Variants in CDYL2 observed in about 807,000 individuals in gnomAD.
CDYL2 encodes the protein chromodomain Y like 2, also known as chromodomain Y-like protein 2.
In CDYL2, 23 loss-of-function variants were observed where a neutral mutation model predicts 49.4. The ratio of observed to expected loss-of-function variants is 0.47; its 90% CI spans 0.34 to 0.66. The LOEUF is 0.66. CDYL2 is among the 30% of genes least tolerant of loss of function. CDYL2 has a pLI of 0.01. For synonymous variants in CDYL2, 360 were observed against 268.8 expected (o/e 1.34, Z -3.32); for missense variants, 678 against 656.4 (o/e 1.03, Z -0.36).
At chr16:80,774,052 G>A (rs1266253764) in intron 1 of CDYL2, among the ~76,000 whole-genome samples, 1 of 151,982 alleles carries the variant, frequency 6.6e-6, no homozygotes, top group Non-Finnish European at 1.5e-5. Flanking sequence ...TAATGAAACA[G>A]GTATTTACTT....
intron 2 of CDYL2, among the ~76,000 whole-genome samples, chr16:80,677,513 C>G (rs577111762): frequency 6.6e-6 from 1 of 151,692 alleles, no homozygotes; most frequent in Non-Finnish European, 1.5e-5. Flanking sequence ...CTGAGGCGGG[C>G]GGACCACGAG....
rs10673992 is a variant in CDYL2 at position 80,709,561 on chromosome 16, GACACAC to G, written c.25-24438_25-24433del. On this transcript the variant is annotated intron_variant, in intron 1 of 6. Transcript: ENST00000570137. ...AAACTGAGCCATGCAGGAATAAACA[GACACAC>G]ACACACACACACACACACACACACA... 8.1e-3 allele frequency among the ~76,000 whole-genome samples: 1,165 copies of G among 143,752 alleles called. 15 individuals are homozygous for G. Among genetic ancestry groups the G allele is most frequent in the African/African-American group, 0.027 (1,069 of 39,046 alleles). The allele number at this position is 143,752 out of a possible 152,430, so 94.3% of individuals were successfully genotyped here. A position where few individuals can be genotyped will look rare whatever the true frequency, so the allele number is the denominator to read the frequency against.
chr16:80,717,490 C>A (rs912420124), intron 1 of CDYL2, among the ~76,000 whole-genome samples: 1 of 152,258 alleles, frequency 6.6e-6, no homozygotes. Flanking sequence ...GTAACCTGAG[C>A]TGGGGCAAAT....
intron 2 of CDYL2, among the ~76,000 whole-genome samples, chr16:80,644,973 T>C (rs957089944): frequency 6.6e-6 from 1 of 152,072 alleles, no homozygotes; most frequent in African/African-American, 2.4e-5. Context: ...CCTTACACCT[T>C]ATACAAAAAT....
chr16:80,789,353 A>G (rs1907537326), intron 1 of CDYL2, among the ~76,000 whole-genome samples: 1 of 152,230 alleles, frequency 6.6e-6, no homozygotes, highest in South Asian at 2.1e-4. Context: ...CTGTAATCCC[A>G]GCACTTTGGA....
At chr16:80,685,762 A>C (rs576796900) in intron 1 of CDYL2, among the ~76,000 whole-genome samples, 15 of 152,346 alleles carry the variant, frequency 9.8e-5, no homozygotes, top group Non-Finnish European at 1.6e-4. Flanking sequence ...AGAGAGACCA[A>C]GTAACTTAAC....
At chr16:80,625,992 A>G (rs1176801699) in intron 3 of CDYL2, among the ~76,000 whole-genome samples, 1 of 152,196 alleles carries the variant, frequency 6.6e-6, no homozygotes, top group Non-Finnish European at 1.5e-5. Flanking sequence ...ACTGACCTGC[A>G]AGGAATAATA....
intron 1 of CDYL2, among the ~76,000 whole-genome samples, chr16:80,700,324 A>G (rs1282772782): frequency 1.3e-5 from 2 of 152,218 alleles, no homozygotes; most frequent in Non-Finnish European, 2.9e-5. Flanking sequence ...AATGGCCATG[A>G]AGAGTGCTAA....
intron 1 of CDYL2, among the ~76,000 whole-genome samples, chr16:80,768,478 C>G (rs111280639): frequency 2.3e-3 from 354 of 152,288 alleles, no homozygotes; most frequent in Non-Finnish European, 4.0e-3. Context: ...GCTGGGAAGT[C>G]CAAGATCAAG....
chr16:80,797,253 C>A (rs1907793493), intron 1 of CDYL2, among the ~76,000 whole-genome samples: 1 of 152,214 alleles, frequency 6.6e-6, no homozygotes, highest in Non-Finnish European at 1.5e-5. Context: ...ACACTCCAAA[C>A]TCACTGTCCT....
intron 2 of CDYL2, among the ~76,000 whole-genome samples, chr16:80,651,739 G>T (rs566720023): frequency 6.6e-6 from 1 of 152,190 alleles, no homozygotes; most frequent in Non-Finnish European, 1.5e-5. Context: ...CTTTAGAAAT[G>T]AGCGGAGTTT....
At chr16:80,771,890 A>G (rs1324343476) in intron 1 of CDYL2, among the ~76,000 whole-genome samples, 1 of 152,190 alleles carries the variant, frequency 6.6e-6, no homozygotes, top group Non-Finnish European at 1.5e-5. Context: ...TAAGAAGGAA[A>G]GAGAAAAACT....
intron 4 of CDYL2, among the ~76,000 whole-genome samples, chr16:80,616,664 T>C (rs1567541618): frequency 6.6e-6 from 1 of 152,030 alleles, no homozygotes; most frequent in Non-Finnish European, 1.5e-5. Flanking sequence ...CTCCTTAGTC[T>C]CCAACCCACC....
rs1907542579 is a variant in CDYL2, at chr16:80,789,505, C to CA, written c.24+14644dup. 2.6e-5 allele frequency among the ~76,000 whole-genome samples: 4 copies of CA among 152,030 alleles called. No homozygotes were observed. The South Asian group carries it at 8.4e-4, about 32-fold the overall frequency. On this transcript the variant is annotated intron_variant, in intron 1 of 6. Transcript: ENST00000570137. ...ATCCCAGCTACTCAGGAGGCTGAGG[C>CA]AGAAGAATCATTTGAACCTGGGAGG...
chr16:80,676,123 C>T (rs1597165811), intron 2 of CDYL2, among the ~76,000 whole-genome samples: 1 of 152,282 alleles, frequency 6.6e-6, no homozygotes, highest in Non-Finnish European at 1.5e-5. Flanking sequence ...CACAGCCTGG[C>T]ACTTTCCATG....
intron 1 of CDYL2, among the ~76,000 whole-genome samples, chr16:80,686,896 G>T (rs565679682): frequency 1.1e-4 from 17 of 152,234 alleles, no homozygotes; most frequent in Admixed American, 3.9e-4. Context: ...AACGTCCTGG[G>T]AACAGGTCTT....
intron 1 of CDYL2, among the ~76,000 whole-genome samples, chr16:80,727,965 A>C (rs1442491246): frequency 6.6e-6 from 1 of 152,204 alleles, no homozygotes; most frequent in East Asian, 1.9e-4. Flanking sequence ...CCATCATCAA[A>C]GACCAAAAGT....
chr16:80,731,147 T>G (rs915006906), intron 1 of CDYL2, among the ~76,000 whole-genome samples: 2 of 152,108 alleles, frequency 1.3e-5, no homozygotes, highest in Admixed American at 6.5e-5. Context: ...TAAGTATCCT[T>G]CCAGAGACAA....
At chr16:80,667,129 C>A (rs1197522380) in intron 2 of CDYL2, among the ~76,000 whole-genome samples, 1 of 152,160 alleles carries the variant, frequency 6.6e-6, no homozygotes, top group Non-Finnish European at 1.5e-5. Flanking sequence ...TGAGCCAGAC[C>A]TGCAGGATGA....
Sources: allele counts gnomAD v4.1 joint callset (sites outside exome capture counted in the v4.1 genomes callset), GRCh38; gene constraint gnomAD v4.1.1; transcripts MANE v1.5; gene names NCBI Gene and HGNC (gene_info 2026-07-23, HGNC 2026-07-21).